Variants in LRRC72 observed in about 807,000 individuals in gnomAD.
The protein encoded by LRRC72 is leucine rich repeat containing 72.
In LRRC72, 41 loss-of-function variants were observed where a neutral mutation model predicts 35.8. That is an observed-to-expected ratio of 1.15 (90% CI 0.89 to 1.49). LRRC72 has a LOEUF of 1.49. Among genes scored for constraint, LRRC72 ranks in the 40% most tolerant of loss-of-function variants. LRRC72 has a pLI of 0.00. For synonymous variants in LRRC72, 118 were observed against 119.2 expected, an observed-to-expected ratio of 0.99 and a Z score of 0.07; for missense variants, 389 against 330.7, an observed-to-expected ratio of 1.18 and a Z score of -1.37.
At chr7:16,537,821 C>T in intron 3 of LRRC72, 125 bp downstream of exon 3, 1 of 575,954 alleles carries the variant, frequency 1.7e-6, no homozygotes, top group East Asian at 3.1e-5. Flanking sequence ...GCTAAGAAAC[C>T]CATATAAAAC....
chr7:16,541,465 A>G (rs572093290), intron 3 of LRRC72, among the ~76,000 whole-genome samples: 8 of 152,364 alleles, frequency 5.3e-5, no homozygotes, highest in African/African-American at 1.9e-4. Context: ...GGAAAATGAA[A>G]GTGCTTTGGT....
At chr7:16,528,041 T>C (rs2128333847) in intron 1 of LRRC72, among the ~76,000 whole-genome samples, 1 of 152,272 alleles carries the variant, frequency 6.6e-6, no homozygotes, top group African/African-American at 2.4e-5. Flanking sequence ...AATCCGACTT[T>C]TCACCCTCTT....
At chr7:16,547,804 T>G (rs1782474734) in intron 3 of LRRC72, among the ~76,000 whole-genome samples, 1 of 152,224 alleles carries the variant, frequency 6.6e-6, no homozygotes, top group African/African-American at 2.4e-5. Context: ...GGCACTGGCC[T>G]GCAGGTGCCC....
chr7:16,574,858 G>A (rs1449923933), intron 7 of LRRC72, among the ~76,000 whole-genome samples: 2 of 152,040 alleles, frequency 1.3e-5, no homozygotes, highest in East Asian at 3.9e-4. Context: ...GCTCACGCTT[G>A]TAATCCCAGC....
chr7:16,581,080 AATAGTTG>A (rs1783133416), intron 8 of LRRC72, among the ~76,000 whole-genome samples: 1 of 152,188 alleles, frequency 6.6e-6, no homozygotes, highest in Non-Finnish European at 1.5e-5. Flanking sequence ...TCTAAACTGT[AATAGTTG>A]ATCCCCAAAT....
intron 3 of LRRC72, among the ~76,000 whole-genome samples, chr7:16,550,536 T>C (rs1782531861): frequency 6.6e-6 from 1 of 152,226 alleles, no homozygotes; most frequent in Admixed American, 6.5e-5. Context: ...ATTGAAAGAA[T>C]TGGCTAATTC....
At chr7:16,580,804 A>C (rs1245440099) in intron 8 of LRRC72, among the ~76,000 whole-genome samples, 1 of 152,170 alleles carries the variant, frequency 6.6e-6, no homozygotes, top group Non-Finnish European at 1.5e-5. Flanking sequence ...AAAAGCAAGC[A>C]CCTCACTAAT....
intron 3 of LRRC72, among the ~76,000 whole-genome samples, chr7:16,556,047 G>T (rs1055559172): frequency 1.3e-5 from 2 of 150,006 alleles, no homozygotes; most frequent in African/African-American, 2.4e-5. Flanking sequence ...TTTTAAATTT[G>T]ATGGATGTTA....
At chr7:16,534,456 A>G (rs149835438) in intron 2 of LRRC72, among the ~76,000 whole-genome samples, 1 of 152,170 alleles carries the variant, frequency 6.6e-6, no homozygotes, top group African/African-American at 2.4e-5. Context: ...ATTAAATTTT[A>G]AAAAAGAAAA....
In LRRC72 at chr7:16,570,994, C is replaced by T. The variant is rs1254049329; in HGVS notation, c.670+3451C>T. Among the ~76,000 whole-genome samples, 3 of 150,676 alleles carry T rather than the reference C, an allele frequency of 2.0e-5. No individual in the cohort carries two copies. In the East Asian group the frequency reaches 5.8e-4, roughly 29 times the overall value. On this transcript the variant is annotated intron_variant, in intron 7 of 8. Coordinates refer to ENST00000401542, the MANE Select transcript of LRRC72 (RefSeq NM_001195280.2). Reference sequence around the variant, plus strand: ...TGTTTCTGTTTTTTTTTTTTTCTTCCATGACTTTTTGAAGAGAACAGGCCA... The same window carrying T: ...TGTTTCTGTTTTTTTTTTTTTCTTCTATGACTTTTTGAAGAGAACAGGCCA...
chr7:16,557,994 G>A (rs902830117), intron 4 of LRRC72, among the ~76,000 whole-genome samples: 1 of 140,866 alleles, frequency 7.1e-6, no homozygotes, highest in Non-Finnish European at 1.5e-5. Flanking sequence ...ATGATGTCAT[G>A]CACCGCTAAG....
In LRRC72 at chr7:16,526,913, C is replaced by A. The variant is rs1230904863; in HGVS notation, c.-40C>A. The A allele has an allele frequency of 6.7e-7, 1 of 1,503,156 alleles. No homozygotes were observed. Among genetic ancestry groups the A allele is most frequent in the South Asian group, 1.2e-5 (1 of 83,260 alleles). The allele number at this position is 1,503,156 out of a possible 1,614,324, so 93.1% of individuals were successfully genotyped here. A position where few individuals can be genotyped will look rare whatever the true frequency, so the allele number is the denominator to read the frequency against. Reference sequence around the variant, plus strand: ...TCTTCGGTGCCACCGGCGGGCGAGGCCGGATTAATCACCGCTGCTTCGGCC... The same window carrying A: ...TCTTCGGTGCCACCGGCGGGCGAGGACGGATTAATCACCGCTGCTTCGGCC... On this transcript the variant is annotated 5_prime_UTR_variant, in exon 1 of 9. Coordinates refer to ENST00000401542, the MANE Select transcript of LRRC72 (RefSeq NM_001195280.2).
chr7:16,568,275 C>A (rs960127363), intron 7 of LRRC72, among the ~76,000 whole-genome samples: 3 of 152,044 alleles, frequency 2.0e-5, no homozygotes, highest in African/African-American at 7.2e-5. Context: ...CTCCATTCCA[C>A]GAAGGAAGAG....
chr7:16,544,032 A>G (rs1302561336), intron 3 of LRRC72, among the ~76,000 whole-genome samples: 1 of 152,208 alleles, frequency 6.6e-6, no homozygotes, highest in African/African-American at 2.4e-5. Flanking sequence ...CTGCTACACA[A>G]TACAACAATA....
intron 3 of LRRC72, among the ~76,000 whole-genome samples, chr7:16,546,948 G>A (rs994025787): frequency 6.6e-6 from 1 of 152,204 alleles, no homozygotes; most frequent in African/African-American, 2.4e-5. Flanking sequence ...TATACCAGCT[G>A]CAGCAGGGAG....
At chr7:16,580,508 G>A (rs10258908) in intron 8 of LRRC72, among the ~76,000 whole-genome samples, 3,033 of 152,140 alleles carry the variant, frequency 0.02, 102 homozygotes, top group African/African-American at 0.07. Context: ...GCCTGGCATG[G>A]TGGCAGGCGC....
At chr7:16,555,529 T>C (rs1782635653) in intron 3 of LRRC72, among the ~76,000 whole-genome samples, 1 of 152,176 alleles carries the variant, frequency 6.6e-6, no homozygotes, top group African/African-American at 2.4e-5. Context: ...TCCCAGCAAT[T>C]CGGGAGGCCA....
chr7:16,559,257 G>T (rs1782703217), intron 5 of LRRC72, among the ~76,000 whole-genome samples: 1 of 152,032 alleles, frequency 6.6e-6, no homozygotes, highest in Non-Finnish European at 1.5e-5. Context: ...AGCCAGGCCT[G>T]GTGGCGTATG....
chr7:16,561,928 T>A (rs533896229), intron 5 of LRRC72, among the ~76,000 whole-genome samples: 2 of 152,366 alleles, frequency 1.3e-5, no homozygotes, highest in Non-Finnish European at 2.9e-5. Flanking sequence ...TTTGTCTTTT[T>A]AAGTTGTAAA....
Sources: gnomAD v4.1 joint callset for allele counts (sites outside exome capture counted in the v4.1 genomes callset) on GRCh38, gnomAD v4.1.1 for gene constraint, MANE v1.5 for transcripts, NCBI Gene and HGNC (gene_info 2026-07-23, HGNC 2026-07-21) for gene names.